The following SLC14A2 variants were observed in gnomAD, a reference collection of about 807,000 sequenced individuals.
The protein encoded by SLC14A2 is urea transporter 2.
In SLC14A2, 91 loss-of-function variants were observed where a neutral mutation model predicts 104.6. That is an observed-to-expected ratio of 0.87 (90% CI 0.73 to 1.04). The LOEUF is 1.04. SLC14A2 is among the 50% of genes least tolerant of loss of function. SLC14A2 has a pLI of 0.00. For synonymous variants in SLC14A2, 476 were observed against 466.4 expected (o/e 1.02, Z -0.27); for missense variants, 1,189 against 1,156.0 (o/e 1.03, Z -0.41).
At chr18:45,570,686 AG>A (rs760473039) in intron 2 of SLC14A2, among the ~76,000 whole-genome samples, 7 of 152,378 alleles carry the variant, frequency 4.6e-5, no homozygotes, top group Non-Finnish European at 8.8e-5. Context: ...AATACATGGC[AG>A]GAGGCCAGGC....
chr18:45,270,609 A>T (rs1214678832), intron 1 of SLC14A2, among the ~76,000 whole-genome samples: 1 of 152,142 alleles, frequency 6.6e-6, no homozygotes, highest in Non-Finnish European at 1.5e-5. Flanking sequence ...TCCTGCAATA[A>T]GCTGTTAGCT....
intron 2 of SLC14A2, among the ~76,000 whole-genome samples, chr18:45,540,984 G>C (rs967662103): frequency 3.4e-4 from 52 of 152,266 alleles, no homozygotes; most frequent in African/African-American, 1.3e-3. Context: ...GAAGGGGTGA[G>C]GCTGAAGGAC....
At chr18:45,491,286 A>C (rs1010136196) in intron 2 of SLC14A2, among the ~76,000 whole-genome samples, 2 of 152,250 alleles carry the variant, frequency 1.3e-5, no homozygotes, top group Non-Finnish European at 2.9e-5. Context: ...GGCATCAAGA[A>C]GGATGATCTT....
the SLC14A2 span, among the ~76,000 whole-genome samples, chr18:45,193,066 T>G: frequency 6.6e-6 from 1 of 152,250 alleles, no homozygotes; most frequent in Non-Finnish European, 1.5e-5. Flanking sequence ...TGTTTATATC[T>G]TTTGCTTATA....
At chr18:45,418,410 C>A (rs2086301600) in intron 1 of SLC14A2, among the ~76,000 whole-genome samples, 1 of 152,138 alleles carries the variant, frequency 6.6e-6, no homozygotes, top group South Asian at 2.1e-4. Context: ...AACAACTAAG[C>A]TACAAGAAAG....
Position 45,355,577 on chromosome 18 carries a change from C to CAA in SLC14A2, c.-124-127634_-124-127633dup, listed in dbSNP as rs768389823. Among the ~76,000 whole-genome samples the CAA allele has an allele frequency of 7.1e-3, 357 of 50,502 alleles. 19 individuals carry two copies. Among genetic ancestry groups the CAA allele is most frequent in the Middle Eastern group, 0.014 (1 of 70 alleles). The allele number at this position is 50,502 out of a possible 152,430, so 33.1% of individuals were successfully genotyped here. A position where few individuals can be genotyped will look rare whatever the true frequency, so the allele number is the denominator to read the frequency against. ...TGGGCGACAGAGTGATACTCTGTCT[C>CAA]AAAAAAAAAAAAAAAAAAAAAAACC... On this transcript the variant is annotated intron_variant, in intron 1 of 20. Coordinates refer to the SLC14A2 transcript ENST00000586448.
chr18:45,518,181 G>A (rs2043468950), intron 2 of SLC14A2, among the ~76,000 whole-genome samples: 1 of 152,180 alleles, frequency 6.6e-6, no homozygotes, highest in Non-Finnish European at 1.5e-5. Flanking sequence ...GTTCCGGGTT[G>A]CTCCAAGGCC....
At chr18:45,359,152 G>A (rs1037291798) in intron 1 of SLC14A2, among the ~76,000 whole-genome samples, 2 of 152,188 alleles carry the variant, frequency 1.3e-5, no homozygotes, top group African/African-American at 4.8e-5. Flanking sequence ...CTGACTCATG[G>A]TTCCATCCGG....
At chr18:45,418,816 A>G (rs2086306445) in intron 1 of SLC14A2, among the ~76,000 whole-genome samples, 1 of 152,186 alleles carries the variant, frequency 6.6e-6, no homozygotes, top group Non-Finnish European at 1.5e-5. Flanking sequence ...TCCCTGTTCA[A>G]CTAGCTTTCT....
rs1460377570 is a variant in SLC14A2 at position 45,556,403 on chromosome 18, C to T, written c.-34-68228C>T. On this transcript the variant is annotated intron_variant, in intron 2 of 20. Coordinates refer to the SLC14A2 transcript ENST00000586448. ...GACATGGAAGGAATCTTATCAAACC[C>T]TACCCATAAGGCAAAAATTCTCTTA... Among the ~76,000 whole-genome samples the T allele has an allele frequency of 2.0e-5, 3 of 152,170 alleles. No individual in the cohort carries two copies. In the South Asian group the frequency reaches 6.2e-4, roughly 32 times the overall value.
At chr18:45,626,806 A>ACCCCCCCCCC in intron 3 of SLC14A2, 152 bp from the exon 4 acceptor site, 1 of 374,232 alleles carries the variant, frequency 2.7e-6, no homozygotes, top group Non-Finnish European at 5.1e-6. Flanking sequence ...CCTCCCCTCT[A>ACCCCCCCCCC]CCCCCACCCC....
chr18:45,567,090 G>GTGTA (rs1209181298), intron 2 of SLC14A2, among the ~76,000 whole-genome samples: 1 of 144,998 alleles, frequency 6.9e-6, no homozygotes, highest in Non-Finnish European at 1.5e-5. Flanking sequence ...GTGTGTGTGT[G>GTGTA]TGTGTGTGTA....
intron 1 of SLC14A2, among the ~76,000 whole-genome samples, chr18:45,437,038 C>T (rs1042799306): frequency 2.0e-5 from 3 of 152,170 alleles, no homozygotes; most frequent in East Asian, 1.9e-4. Flanking sequence ...TCTGAATAAG[C>T]GCTCTTCCCA....
At chr18:45,471,683 T>C (rs188427452) in intron 1 of SLC14A2, among the ~76,000 whole-genome samples, 3 of 152,264 alleles carry the variant, frequency 2.0e-5, no homozygotes, top group Admixed American at 2.0e-4. Context: ...GCAGTTTCTT[T>C]TCACCGTCTT....
intron 1 of SLC14A2, among the ~76,000 whole-genome samples, chr18:45,446,208 A>G (rs921034368): frequency 6.6e-6 from 1 of 152,224 alleles, no homozygotes; most frequent in African/African-American, 2.4e-5. Context: ...ATATGTTCAG[A>G]AGATCATTGT....
intron 1 of SLC14A2, among the ~76,000 whole-genome samples, chr18:45,463,872 G>T (rs750739962): frequency 1.3e-5 from 2 of 152,170 alleles, no homozygotes; most frequent in Non-Finnish European, 2.9e-5. Context: ...CTTTGCCTCC[G>T]TATTGATGAA....
At chr18:45,416,808 A>G (rs947219498) in intron 1 of SLC14A2, among the ~76,000 whole-genome samples, 4 of 152,214 alleles carry the variant, frequency 2.6e-5, no homozygotes, top group African/African-American at 9.6e-5. Flanking sequence ...CCTTTATAGG[A>G]CATTTGATCA....
chr18:45,235,991 A>G (rs1469715294), intron 1 of SLC14A2, among the ~76,000 whole-genome samples: 11 of 70,456 alleles, frequency 1.6e-4, no homozygotes, highest in African/African-American at 7.0e-4. Context: ...ATATATGTGT[A>G]TATATACATA....
At chr18:45,295,292 T>C (rs1241368004) in intron 1 of SLC14A2, among the ~76,000 whole-genome samples, 2 of 148,616 alleles carry the variant, frequency 1.3e-5, no homozygotes, top group Admixed American at 6.6e-5. Context: ...TTAATATACA[T>C]TTTTAAAGCA....
Sources: gnomAD v4.1 joint callset for allele counts (sites outside exome capture counted in the v4.1 genomes callset) on GRCh38, gnomAD v4.1.1 for gene constraint, MANE v1.5 for transcripts, NCBI Gene and HGNC (gene_info 2026-07-23, HGNC 2026-07-21) for gene names.